Variants in RCAN2 observed in about 807,000 individuals in gnomAD.
RCAN2 encodes the protein calcipressin-2.
Under a neutral mutation model 23.6 loss-of-function variants are expected in RCAN2, and 9 were observed. That is an observed-to-expected ratio of 0.38 (90% CI 0.23 to 0.67). RCAN2 has a LOEUF of 0.67. RCAN2 is among the 30% of genes least tolerant of loss of function. RCAN2 has a pLI of 0.51. For synonymous variants in RCAN2, 109 were observed against 115.7 expected, an observed-to-expected ratio of 0.94 and a Z score of 0.37; for missense variants, 273 against 302.3, an observed-to-expected ratio of 0.90 and a Z score of 0.72.
intron 2 of RCAN2, among the ~76,000 whole-genome samples, chr6:46,446,567 C>T (rs951146698): frequency 6.6e-6 from 1 of 152,086 alleles, no homozygotes; most frequent in Non-Finnish European, 1.5e-5. Flanking sequence ...TACTCTACTA[C>T]TATAATGGTT....
At chr6:46,456,672 C>T (rs1768041454) in intron 2 of RCAN2, 80 bp downstream of exon 2, 2 of 1,117,388 alleles carry the variant, frequency 1.8e-6, no homozygotes, top group East Asian at 5.2e-5. Context: ...TTCAAAACAC[C>T]AACCACAAAT....
chr6:46,385,477 G>A (rs1765717271), intron 2 of RCAN2, among the ~76,000 whole-genome samples: 1 of 152,152 alleles, frequency 6.6e-6, no homozygotes. Flanking sequence ...AATGGTGCTG[G>A]GAAAACGGGC....
intron 1 of RCAN2, among the ~76,000 whole-genome samples, chr6:46,461,949 C>T (rs576351825): frequency 6.6e-6 from 1 of 152,278 alleles, no homozygotes; most frequent in South Asian, 2.1e-4. Flanking sequence ...TACAGATCTA[C>T]ATGAAAGTCT....
intron 2 of RCAN2, among the ~76,000 whole-genome samples, chr6:46,260,368 CTT>C (rs1294769935): frequency 6.6e-6 from 1 of 152,176 alleles, no homozygotes; most frequent in African/African-American, 2.4e-5. Flanking sequence ...AGCCAAGAGA[CTT>C]GAATCCGCAA....
chr6:46,279,439 A>C (rs1767827704), intron 2 of RCAN2, among the ~76,000 whole-genome samples: 1 of 152,158 alleles, frequency 6.6e-6, no homozygotes, highest in Admixed American at 6.5e-5. Flanking sequence ...TGTCCTGTGC[A>C]TTGTAGGATG....
At chr6:46,404,282 G>C (rs1416653322) in intron 2 of RCAN2, among the ~76,000 whole-genome samples, 1 of 152,074 alleles carries the variant, frequency 6.6e-6, no homozygotes, top group Non-Finnish European at 1.5e-5. Context: ...CATAGACCAT[G>C]CTGACTTGAT....
chr6:46,289,701 A>T (rs1762482756), intron 2 of RCAN2, among the ~76,000 whole-genome samples: 1 of 152,196 alleles, frequency 6.6e-6, no homozygotes, highest in Non-Finnish European at 1.5e-5. Flanking sequence ...TTATAAATCT[A>T]TATTAAGGTA....
At chr6:46,444,165 CACAAAATATTTT>C (rs1167916812) in intron 2 of RCAN2, among the ~76,000 whole-genome samples, 9 of 152,084 alleles carry the variant, frequency 5.9e-5, no homozygotes, top group Non-Finnish European at 1.2e-4. Flanking sequence ...AGGTAGGTGA[CACAAAATATTTT>C]ACAATTTAAG....
intron 2 of RCAN2, among the ~76,000 whole-genome samples, chr6:46,425,895 TC>T (rs1471102685): frequency 6.7e-6 from 1 of 149,694 alleles, no homozygotes; most frequent in Non-Finnish European, 1.5e-5. Flanking sequence ...CTTCTTTCTT[TC>T]TTTTTTTTTT....
chr6:46,257,632 CTG>C (rs1205361884), intron 2 of RCAN2, among the ~76,000 whole-genome samples: 1 of 152,174 alleles, frequency 6.6e-6, no homozygotes, highest in Non-Finnish European at 1.5e-5. Flanking sequence ...ATGGGGAAAA[CTG>C]TCCCCATGAT....
intron 1 of RCAN2, among the ~76,000 whole-genome samples, chr6:46,487,925 C>G (rs1009131772): frequency 3.3e-5 from 5 of 152,224 alleles, no homozygotes; most frequent in African/African-American, 9.6e-5. Flanking sequence ...AGCAAGACTT[C>G]AGAATGTCAC....
intron 2 of RCAN2, among the ~76,000 whole-genome samples, chr6:46,445,580 A>G (rs373482019): frequency 6.6e-5 from 10 of 152,362 alleles, no homozygotes; most frequent in Admixed American, 2.0e-4. Context: ...ATAAAGCACC[A>G]ATAACCACCC....
At chr6:46,234,613 T>C (rs1463436788) in intron 4 of RCAN2, among the ~76,000 whole-genome samples, 1 of 152,224 alleles carries the variant, frequency 6.6e-6, no homozygotes, top group Non-Finnish European at 1.5e-5. Flanking sequence ...AACTGTCCTC[T>C]CCTTTGTGTG....
intron 2 of RCAN2, among the ~76,000 whole-genome samples, chr6:46,430,435 A>G (rs1379604760): frequency 6.6e-6 from 1 of 152,166 alleles, no homozygotes; most frequent in Non-Finnish European, 1.5e-5. Flanking sequence ...AGGAGACATC[A>G]GTTACCTACC....
At chr6:46,322,168 G>A (rs1206154016) in intron 2 of RCAN2, among the ~76,000 whole-genome samples, 2 of 152,190 alleles carry the variant, frequency 1.3e-5, no homozygotes, top group African/African-American at 4.8e-5. Flanking sequence ...CCAAGGGTTT[G>A]GCTCTTTGTG....
At chr6:46,377,119 T>C (rs1453008070) in intron 2 of RCAN2, among the ~76,000 whole-genome samples, 1 of 152,142 alleles carries the variant, frequency 6.6e-6, no homozygotes, top group Non-Finnish European at 1.5e-5. Context: ...ACTTAGGATA[T>C]ACCCATGGTT....
At chr6:46,407,844 A>T (rs1766444606) in intron 2 of RCAN2, among the ~76,000 whole-genome samples, 1 of 152,230 alleles carries the variant, frequency 6.6e-6, no homozygotes, top group South Asian at 2.1e-4. Flanking sequence ...TGCCTCCAAA[A>T]AGAGAAAGAG....
At chr6:46,263,477 G>GTA (rs1230055185) in intron 2 of RCAN2, among the ~76,000 whole-genome samples, 678 of 14,942 alleles carry the variant, frequency 0.045, 8 homozygotes, top group East Asian at 0.13. Flanking sequence ...GTGTGTGTAT[G>GTA]TGTGTGTGTG....
intron 2 of RCAN2, among the ~76,000 whole-genome samples, chr6:46,279,511 C>T (rs115502861): frequency 2.6e-5 from 4 of 152,170 alleles, no homozygotes; most frequent in African/African-American, 4.8e-5. Flanking sequence ...ATTGTGACAA[C>T]GTGTTTGCAG....
Sources: gnomAD v4.1 joint callset for allele counts (sites outside exome capture counted in the v4.1 genomes callset) on GRCh38, gnomAD v4.1.1 for gene constraint, MANE v1.5 for transcripts, NCBI Gene and HGNC (gene_info 2026-07-23, HGNC 2026-07-21) for gene names.